The following FRMD4A variants were observed in gnomAD, a reference collection of about 807,000 sequenced individuals.
FRMD4A encodes the protein FERM domain-containing protein 4A.
In FRMD4A, 29 loss-of-function variants were observed where a neutral mutation model predicts 129.1. That is an observed-to-expected ratio of 0.22 (90% CI 0.17 to 0.31). The LOEUF is 0.31. Ranked by LOEUF, FRMD4A falls within the 10% of genes least tolerant of loss-of-function variation. The pLI, the probability that FRMD4A is intolerant of heterozygous loss-of-function variation, is 1.00. For missense variants in FRMD4A, 1,272 were observed against 1,375.8 expected, an observed-to-expected ratio of 0.92 and a Z score of 1.19; for synonymous variants, 634 against 571.6, an observed-to-expected ratio of 1.11 and a Z score of -1.56.
chr10:14,285,804 A>G (rs1845662866), intron 2 of FRMD4A, among the ~76,000 whole-genome samples: 1 of 152,224 alleles, frequency 6.6e-6, no homozygotes, highest in African/African-American at 2.4e-5. Flanking sequence ...ATCCGACGTC[A>G]GGGATCACTG....
Position 13,849,431 on chromosome 10 carries a change from A to G in FRMD4A, c.111+9416T>C, listed in dbSNP as rs1203524332. ...AACTCCATATTCTCTGCTTGGCAACATGCACTTTGGGGGGGATTCCTGCTT... is the reference window on the plus strand; with the variant it reads ...AACTCCATATTCTCTGCTTGGCAACGTGCACTTTGGGGGGGATTCCTGCTT... On this transcript the variant is annotated intron_variant, in intron 3 of 24. Transcript: ENST00000357447. 3.3e-5 allele frequency among the ~76,000 whole-genome samples: 5 copies of G among 151,652 alleles called. No homozygotes were observed. The East Asian group carries it at 9.7e-4, about 29-fold the overall frequency.
chr10:14,104,329 G>A (rs1222011403), intron 2 of FRMD4A, among the ~76,000 whole-genome samples: 1 of 152,062 alleles, frequency 6.6e-6, no homozygotes, highest in African/African-American at 2.4e-5. Context: ...CACTGCCATC[G>A]AGGTTACACT....
intron 2 of FRMD4A, among the ~76,000 whole-genome samples, chr10:14,084,301 C>T (rs1228315032): frequency 6.6e-6 from 1 of 152,158 alleles, no homozygotes. Context: ...CATGCGCCAC[C>T]ATGCCTGGCT....
chr10:13,709,243 C>T (rs894998707), intron 12 of FRMD4A, among the ~76,000 whole-genome samples: 4 of 152,180 alleles, frequency 2.6e-5, no homozygotes, highest in African/African-American at 4.8e-5. Flanking sequence ...GGATTACAGG[C>T]GTGAGCCACC....
chr10:13,923,621 T>C (rs2095098139), intron 2 of FRMD4A, among the ~76,000 whole-genome samples: 1 of 152,218 alleles, frequency 6.6e-6, no homozygotes, highest in Non-Finnish European at 1.5e-5. Flanking sequence ...AAAGAACAGC[T>C]ATACCACATG....
chr10:13,983,726 G>T (rs7922974), intron 2 of FRMD4A, among the ~76,000 whole-genome samples: 19,075 of 152,004 alleles, frequency 0.13, 3,035 homozygotes, highest in African/African-American at 0.36. Flanking sequence ...GGGGCCGGGC[G>T]CGGTGGCTCA....
chr10:14,316,796 CAG>C (rs1365421151), intron 2 of FRMD4A, among the ~76,000 whole-genome samples: 2 of 152,184 alleles, frequency 1.3e-5, no homozygotes, highest in African/African-American at 2.4e-5. Context: ...CTAGTGGTAA[CAG>C]GGGATGGGTG....
chr10:13,919,252 C>A (rs1050076327), intron 2 of FRMD4A, among the ~76,000 whole-genome samples: 3 of 152,206 alleles, frequency 2.0e-5, no homozygotes, highest in Admixed American at 2.0e-4. Context: ...TTGTCCGTGA[C>A]TTTGTTTATA....
At chr10:14,094,767 G>A (rs1230781463) in intron 2 of FRMD4A, among the ~76,000 whole-genome samples, 1 of 152,200 alleles carries the variant, frequency 6.6e-6, no homozygotes, top group Non-Finnish European at 1.5e-5. Context: ...GGTTAGAGGT[G>A]TAATTAATAC....
intron 3 of FRMD4A, among the ~76,000 whole-genome samples, chr10:13,826,439 A>G (rs541716516): frequency 8.5e-5 from 13 of 152,166 alleles, no homozygotes; most frequent in Non-Finnish European, 1.0e-4. Context: ...TGCATCTACT[A>G]TAGGATTTCT....
chr10:14,036,042 CA>C (rs10596694), intron 2 of FRMD4A, among the ~76,000 whole-genome samples: 32,878 of 133,354 alleles, frequency 0.25, 3,823 homozygotes, highest in African/African-American at 0.35. Flanking sequence ...AACTCCACCT[CA>C]AAAAAAAAAA....
At chr10:13,970,289 AC>A (rs1319744203) in intron 2 of FRMD4A, among the ~76,000 whole-genome samples, 1 of 144,706 alleles carries the variant, frequency 6.9e-6, no homozygotes, top group African/African-American at 2.9e-5. Context: ...TAAAGGGTCT[AC>A]CCCCCGCCTG....
intron 23 of FRMD4A, among the ~76,000 whole-genome samples, chr10:13,653,651 G>T (rs1163584727): frequency 5.3e-5 from 8 of 152,190 alleles, no homozygotes; most frequent in Admixed American, 5.2e-4. Flanking sequence ...CGAGGAAGGG[G>T]CCTCCTTAAC....
rs1470068320 is a variant in FRMD4A at position 14,227,879 on chromosome 10, AT to A, written c.45+102178del. 4.3e-3 allele frequency among the ~76,000 whole-genome samples: 651 copies of A among 149,752 alleles called. 5 individuals carry two copies. The highest frequency in any genetic ancestry group is 0.014 in the African/African-American group (571 of 40,818). On this transcript the variant is annotated intron_variant, in intron 2 of 24. Coordinates refer to ENST00000357447, the MANE Select transcript of FRMD4A (RefSeq NM_018027.5). ...TTTCTAACAAAGTTTTCTGGCCAGA[AT>A]TTTTTTTTTCTTTTAACGGAGTCTT...
At chr10:13,924,128 C>T (rs529076977) in intron 2 of FRMD4A, among the ~76,000 whole-genome samples, 2 of 152,086 alleles carry the variant, frequency 1.3e-5, no homozygotes. Context: ...TACTATGTGC[C>T]CATCTCATGG....
chr10:14,106,393 G>C (rs567038782), intron 2 of FRMD4A, among the ~76,000 whole-genome samples: 1 of 152,292 alleles, frequency 6.6e-6, no homozygotes, highest in Non-Finnish European at 1.5e-5. Flanking sequence ...GTGGGAAATA[G>C]TATCTAGATC....
rs564257893 is a variant in FRMD4A, at chr10:13,812,149, G to C, written c.112-1241C>G. On this transcript the variant is annotated intron_variant, in intron 3 of 24. Coordinates refer to ENST00000357447, the MANE Select transcript of FRMD4A (RefSeq NM_018027.5). The stretch of plus-strand genomic sequence containing the variant: ...GCCTGCCTCGGCCTCCCAGTGTTGG[G>C]ATTACAGGCATGAGCCACTGCACCT... Among the ~76,000 whole-genome samples the C allele has an allele frequency of 7.5e-4, 114 of 152,294 alleles. 1 individual carries two copies. Among genetic ancestry groups the C allele is most frequent in the African/African-American group, 2.7e-3 (111 of 41,566 alleles).
chr10:14,100,439 G>A (rs922154201), intron 2 of FRMD4A, among the ~76,000 whole-genome samples: 1 of 152,184 alleles, frequency 6.6e-6, no homozygotes. Flanking sequence ...GGCTGGGTTT[G>A]GGTCCTGGGA....
intron 2 of FRMD4A, among the ~76,000 whole-genome samples, chr10:14,195,644 C>A (rs1053225265): frequency 2.6e-5 from 4 of 152,224 alleles, no homozygotes; most frequent in Admixed American, 6.5e-5. Context: ...CAGGGGGAAT[C>A]AAGCTGGGGC....
Sources: allele counts gnomAD v4.1 joint callset (sites outside exome capture counted in the v4.1 genomes callset), GRCh38; gene constraint gnomAD v4.1.1; transcripts MANE v1.5; gene names NCBI Gene and HGNC (gene_info 2026-07-23, HGNC 2026-07-21).